The following TRPC5 variants were observed in gnomAD, a reference collection of about 807,000 sequenced individuals.
TRPC5 encodes transient receptor potential cation channel subfamily C member 5.
In TRPC5, 9 loss-of-function variants were observed where a neutral mutation model predicts 56.5. The ratio of observed to expected loss-of-function variants is 0.16; its 90% CI spans 0.10 to 0.28. The LOEUF is 0.28. Among genes scored for constraint, TRPC5 ranks in the 10% least tolerant of loss-of-function variants. TRPC5 has a pLI of 1.00. For synonymous variants in TRPC5, 282 were observed against 278.5 expected, an observed-to-expected ratio of 1.01 and a Z score of -0.13; for missense variants, 469 against 748.9, an observed-to-expected ratio of 0.63 and a Z score of 4.36.
chrX:111,891,855 G>A (rs1384135494), intron 3 of TRPC5, among the ~76,000 whole-genome samples: 1 of 111,937 alleles, frequency 8.9e-6, no homozygotes, highest in Admixed American at 9.5e-5. Context: ...CCGCTACACA[G>A]GATTATTATA....
chrX:111,824,652 A>C (rs1342482406), intron 7 of TRPC5, among the ~76,000 whole-genome samples: 1 of 111,230 alleles, frequency 9.0e-6, no homozygotes, highest in Non-Finnish European at 1.9e-5. Flanking sequence ...GAGGACCCAG[A>C]GTTGGGATGT....
chrX:112,078,054 A>T (rs1289596533), intron 1 of TRPC5, among the ~76,000 whole-genome samples: 3 of 111,675 alleles, frequency 2.7e-5, no homozygotes, highest in Non-Finnish European at 1.9e-5. Flanking sequence ...TGCAGAACAG[A>T]CTGGGATTTC....
chrX:112,026,090 C>T (rs140530421), intron 1 of TRPC5, among the ~76,000 whole-genome samples: 2,326 of 111,987 alleles, frequency 0.021, 32 homozygotes, highest in Non-Finnish European at 0.035. Flanking sequence ...TGCCCCTGCA[C>T]CTTCATTTAG....
At chrX:111,881,475 C>G in intron 3 of TRPC5, among the ~76,000 whole-genome samples, 1 of 111,508 alleles carries the variant, frequency 9.0e-6, no homozygotes. Flanking sequence ...TGGGCCTGGC[C>G]CGCTATGTTT....
At chrX:112,006,858 A>G (rs990119933) in intron 1 of TRPC5, among the ~76,000 whole-genome samples, 4 of 111,660 alleles carry the variant, frequency 3.6e-5, no homozygotes, top group Non-Finnish European at 7.5e-5. Context: ...TGGCTACATA[A>G]TTTGCAGGGC....
At chrX:111,808,535 C>T (rs1348866889) in intron 7 of TRPC5, among the ~76,000 whole-genome samples, 1 of 110,948 alleles carries the variant, frequency 9.0e-6, no homozygotes. Flanking sequence ...ACTATCCCTT[C>T]AGGGCAGTGG....
intron 1 of TRPC5, among the ~76,000 whole-genome samples, chrX:112,051,996 AT>A (rs1238830018): frequency 8.9e-6 from 1 of 111,785 alleles, no homozygotes; most frequent in Admixed American, 9.5e-5. Flanking sequence ...TTGTATGTAT[AT>A]GTCACATTTT....
chrX:112,023,269 T>G (rs1929333148), intron 1 of TRPC5, among the ~76,000 whole-genome samples: 1 of 93,483 alleles, frequency 1.1e-5, no homozygotes, highest in African/African-American at 4.3e-5. Flanking sequence ...TTTTTTTTTT[T>G]TTTTTTACAA....
intron 1 of TRPC5, among the ~76,000 whole-genome samples, chrX:112,037,440 C>A (rs902421481): frequency 4.5e-5 from 5 of 111,925 alleles, no homozygotes; most frequent in African/African-American, 1.3e-4. Flanking sequence ...CTTGTACTGG[C>A]TACTTCCTCT....
intron 7 of TRPC5, among the ~76,000 whole-genome samples, chrX:111,816,003 C>T (rs953311325): frequency 9.0e-6 from 1 of 111,321 alleles, no homozygotes; most frequent in Non-Finnish European, 1.9e-5. Context: ...GTAGTCTTCC[C>T]AGCCTTTCCT....
chrX:112,000,927 C>T (rs1347849134), intron 1 of TRPC5, among the ~76,000 whole-genome samples: 1 of 112,009 alleles, frequency 8.9e-6, no homozygotes, highest in African/African-American at 3.2e-5. Context: ...CTTTTGAATG[C>T]CACTTAACCA....
In TRPC5 at chrX:111,795,179, A is replaced by G. The variant is rs754467928; in HGVS notation, c.1897-13041T>C. ...GTCTAGAATTGTCAGCATAACATAGACTAGAAGTAGTGAGAGTAGATATAC... is the reference window on the plus strand; with the variant it reads ...GTCTAGAATTGTCAGCATAACATAGGCTAGAAGTAGTGAGAGTAGATATAC... On this transcript the variant is annotated intron_variant, in intron 7 of 10. Coordinates refer to ENST00000262839, the MANE Select transcript of TRPC5 (RefSeq NM_012471.3). Among the ~76,000 whole-genome samples, 32 of 110,783 alleles carry G rather than the reference A, an allele frequency of 2.9e-4. No individual in the cohort carries two copies. In the South Asian group the frequency reaches 0.012, roughly 43 times the overall value.
At chrX:112,050,454 ATG>A (rs959847587) in intron 1 of TRPC5, among the ~76,000 whole-genome samples, 4 of 112,268 alleles carry the variant, frequency 3.6e-5, no homozygotes, top group African/African-American at 9.7e-5. Flanking sequence ...GTTTGTGTAA[ATG>A]TGTGTGTGAC....
intron 1 of TRPC5, among the ~76,000 whole-genome samples, chrX:112,027,183 G>A (rs188357996): frequency 8.9e-6 from 1 of 112,056 alleles, no homozygotes; most frequent in Admixed American, 9.5e-5. Context: ...CCTATAGGGT[G>A]AAGATAATTC....
intron 1 of TRPC5, among the ~76,000 whole-genome samples, chrX:111,973,655 T>G (rs1185861560): frequency 8.9e-6 from 1 of 111,921 alleles, no homozygotes; most frequent in African/African-American, 3.2e-5. Context: ...TCATACTATC[T>G]CACAAGAACA....
At chrX:111,918,334 G>C (rs1926034071) in intron 2 of TRPC5, among the ~76,000 whole-genome samples, 1 of 111,696 alleles carries the variant, frequency 9.0e-6, no homozygotes, top group African/African-American at 3.3e-5. Context: ...GATGCTTTGA[G>C]TGAGGGAGGA....
intron 7 of TRPC5, among the ~76,000 whole-genome samples, chrX:111,823,684 G>A (rs1440906373): frequency 9.0e-6 from 1 of 110,632 alleles, no homozygotes; most frequent in African/African-American, 3.3e-5. Flanking sequence ...GTAGAGATAG[G>A]GGATCTCAGC....
intron 3 of TRPC5, among the ~76,000 whole-genome samples, chrX:111,861,950 G>A (rs952640830): frequency 5.4e-5 from 6 of 111,434 alleles, no homozygotes. Flanking sequence ...ACTAGCCACT[G>A]AGGATATTTT....
chrX:111,806,065 G>A (rs1452010281), intron 7 of TRPC5, among the ~76,000 whole-genome samples: 3 of 111,333 alleles, frequency 2.7e-5, no homozygotes, highest in African/African-American at 9.8e-5. Context: ...TATTGGTAAA[G>A]GTATATTAAA....
Sources: gnomAD v4.1 joint callset for allele counts (sites outside exome capture counted in the v4.1 genomes callset) on GRCh38, gnomAD v4.1.1 for gene constraint, MANE v1.5 for transcripts, NCBI Gene and HGNC (gene_info 2026-07-23, HGNC 2026-07-21) for gene names.